Variants in TBC1D22A observed in about 807,000 individuals in gnomAD.
TBC1D22A encodes the protein TBC1 domain family member 22A.
Under a neutral mutation model 60.2 loss-of-function variants are expected in TBC1D22A, and 38 were observed. The observed-to-expected ratio is 0.63, with a 90% CI of 0.49 to 0.83. The LOEUF (loss-of-function observed/expected upper bound fraction) is 0.83. TBC1D22A is among the 40% of genes least tolerant of loss of function. The pLI is 0.00. For missense variants in TBC1D22A, 628 were observed against 701.0 expected (o/e 0.90, Z 1.18); for synonymous variants, 302 against 281.7 (o/e 1.07, Z -0.72).
intron 12 of TBC1D22A, among the ~76,000 whole-genome samples, chr22:47,120,079 A>G (rs972221313): frequency 1.3e-5 from 2 of 152,200 alleles, no homozygotes; most frequent in African/African-American, 4.8e-5. Flanking sequence ...GCCTAGAGTT[A>G]GCCTCAGAGA....
At position 47,009,392 on chromosome 22, in the gene TBC1D22A, A is replaced by G. The variant is rs1271365195; in HGVS notation, c.1201+11683A>G. Among the ~76,000 whole-genome samples the G allele has an allele frequency of 1.3e-5, 2 of 150,946 alleles. No individual in the cohort carries two copies. Among genetic ancestry groups the G allele is most frequent in the Non-Finnish European group, 2.9e-5 (2 of 67,806 alleles). On this transcript the variant is annotated intron_variant, in intron 10 of 12. Transcript: ENST00000337137. This position sits in a 1 kb window ranked among gnomAD's most constrained non-coding sequence, Gnocchi z 5.8. ...CCATCATCATTTCATCACCATCACC[A>G]TCATTTCCATCATCACCATCATTGT... is the stretch of plus-strand genomic sequence containing the variant.
At chr22:46,845,563 C>T (rs1462143439) in intron 4 of TBC1D22A, among the ~76,000 whole-genome samples, 1 of 152,200 alleles carries the variant, frequency 6.6e-6, no homozygotes, top group African/African-American at 2.4e-5. Context: ...AATTTTCTAG[C>T]TCTGCTGAGT....
intron 1 of TBC1D22A, among the ~76,000 whole-genome samples, chr22:46,787,116 G>A (rs901960666): frequency 6.6e-6 from 1 of 152,164 alleles, no homozygotes; most frequent in African/African-American, 2.4e-5. Context: ...TTGGTGTACA[G>A]TTGTTCATAA....
chr22:47,079,831 A>G (rs987332446), intron 11 of TBC1D22A, among the ~76,000 whole-genome samples: 1 of 152,214 alleles, frequency 6.6e-6, no homozygotes, highest in Non-Finnish European at 1.5e-5. Flanking sequence ...CAATTAAAAG[A>G]TAGATTGTAA....
At chr22:47,074,559 T>A (rs562889012) in intron 11 of TBC1D22A, among the ~76,000 whole-genome samples, 8 of 152,372 alleles carry the variant, frequency 5.3e-5, no homozygotes, top group African/African-American at 1.9e-4. Context: ...AATAATTTAC[T>A]TCTTTGGCAG....
At chr22:47,079,111 A>G (rs1476406569) in intron 11 of TBC1D22A, among the ~76,000 whole-genome samples, 1 of 142,674 alleles carries the variant, frequency 7.0e-6, no homozygotes, top group East Asian at 2.1e-4. Flanking sequence ...TTTTGAGACA[A>G]GGTCTTACTC....
chr22:47,095,082 G>A (rs187351252), intron 11 of TBC1D22A, among the ~76,000 whole-genome samples: 67 of 152,364 alleles, frequency 4.4e-4, no homozygotes, highest in African/African-American at 1.5e-3. Flanking sequence ...AGCCCATGCC[G>A]TAAACGTGGG....
intron 8 of TBC1D22A, among the ~76,000 whole-genome samples, chr22:46,923,742 C>T (rs1344458995): frequency 4.6e-5 from 7 of 152,224 alleles, no homozygotes; most frequent in African/African-American, 1.2e-4. Context: ...TTTACATAGT[C>T]GAGTGCATAT....
chr22:47,102,923 A>G (rs1330091604), intron 11 of TBC1D22A, among the ~76,000 whole-genome samples: 2 of 152,160 alleles, frequency 1.3e-5, no homozygotes, highest in Admixed American at 1.3e-4. Flanking sequence ...TGCAATGCTA[A>G]TTACCAATCA....
At chr22:46,941,917 GTA>G (rs1397822978) in intron 8 of TBC1D22A, among the ~76,000 whole-genome samples, 20 of 82,560 alleles carry the variant, frequency 2.4e-4, no homozygotes, top group African/African-American at 7.0e-4. Context: ...ATATGTATAT[GTA>G]TATGTATGTA....
intron 8 of TBC1D22A, among the ~76,000 whole-genome samples, chr22:46,970,812 G>T (rs554753476): frequency 4.6e-5 from 7 of 152,310 alleles, no homozygotes; most frequent in Admixed American, 3.9e-4. Flanking sequence ...AAAACCTGCT[G>T]ATCTTGCCTG....
intron 12 of TBC1D22A, among the ~76,000 whole-genome samples, chr22:47,121,509 A>G (rs1391144145): frequency 1.3e-5 from 2 of 152,190 alleles, no homozygotes; most frequent in African/African-American, 4.8e-5. Flanking sequence ...AAACGAGCAA[A>G]TGTTTTCATT....
chr22:46,771,840 C>T (rs995618692), intron 1 of TBC1D22A, among the ~76,000 whole-genome samples: 1 of 152,034 alleles, frequency 6.6e-6, no homozygotes, highest in Non-Finnish European at 1.5e-5. Context: ...AGTGATCCAC[C>T]CGCCTCGGCC....
chr22:46,787,189 C>T (rs1015023904), intron 1 of TBC1D22A, among the ~76,000 whole-genome samples: 1 of 152,102 alleles, frequency 6.6e-6, no homozygotes, highest in Non-Finnish European at 1.5e-5. Flanking sequence ...TCATGTCTGA[C>T]TTTAGTAATT....
chr22:46,783,451 C>G (rs1270898430), intron 1 of TBC1D22A, among the ~76,000 whole-genome samples: 1 of 152,214 alleles, frequency 6.6e-6, no homozygotes, highest in African/African-American at 2.4e-5. Flanking sequence ...TAATACAGAA[C>G]ACACCGTATC....
chr22:46,935,324 T>C (rs1036823841), intron 8 of TBC1D22A, among the ~76,000 whole-genome samples: 1 of 152,186 alleles, frequency 6.6e-6, no homozygotes, highest in Non-Finnish European at 1.5e-5. Context: ...CTAAGTGATA[T>C]CCTGGAGTAC....
At chr22:47,111,474 A>G (rs2065844050) in intron 11 of TBC1D22A, 34 bp from the exon 12 acceptor site, 6 of 1,598,324 alleles carry the variant, frequency 3.8e-6, no homozygotes, top group Non-Finnish European at 5.1e-6. Flanking sequence ...GTCACGCGTT[A>G]CAATTTCTCT....
intron 12 of TBC1D22A, among the ~76,000 whole-genome samples, chr22:47,124,872 C>T (rs927037061): frequency 5.9e-5 from 9 of 152,066 alleles, no homozygotes; most frequent in African/African-American, 2.2e-4. Context: ...ACTGGGAGGA[C>T]AGGCGGGCAG....
At chr22:47,053,299 G>A (rs750919491) in intron 11 of TBC1D22A, among the ~76,000 whole-genome samples, 12 of 152,184 alleles carry the variant, frequency 7.9e-5, no homozygotes, top group Non-Finnish European at 1.5e-4. Context: ...TGTTTCTCAC[G>A]TCCGCAGTGG....
Sources: allele counts gnomAD v4.1 joint callset (sites outside exome capture counted in the v4.1 genomes callset), GRCh38; gene constraint gnomAD v4.1.1; non-coding constraint Gnocchi (gnomAD v3.1); transcripts MANE v1.5; gene names NCBI Gene and HGNC (gene_info 2026-07-23, HGNC 2026-07-21).